The following SNX4 variants were observed in gnomAD, a reference collection of about 807,000 sequenced individuals.
SNX4 encodes sorting nexin 4.
In SNX4, 49 loss-of-function variants were observed where a neutral mutation model predicts 70.8. The observed-to-expected ratio is 0.69, with a 90% CI of 0.55 to 0.88. The LOEUF is 0.88. SNX4 is among the 40% of genes least tolerant of loss of function. The pLI, the probability that SNX4 is intolerant of heterozygous loss-of-function variation, is 0.00. For missense variants in SNX4, 528 were observed against 544.8 expected (o/e 0.97, Z 0.31); for synonymous variants, 206 against 183.8 (o/e 1.12, Z -0.98).
At position 125,497,919 on chromosome 3, in the gene SNX4, C is replaced by T. The variant is rs780975407; in HGVS notation, c.464G>A (p.Arg155Gln). The change falls in exon 4 of 14, where the codon CGG (arginine) becomes CAG (glutamine). Residue 155 changes from arginine to glutamine, a missense_variant. By Grantham distance (43) the Arg-to-Gln change is conservative. This residue lies in a region of SNX4 where 341 missense variants were observed against 312.2 expected (regional missense o/e 1.09). Transcript: ENST00000251775. ...NMDPDFVERR[R>Q]IGLENFLLRI... ...CAAGAGAAAGTTTTCTAAACCAATC[C>T]GTCGCCTCTCCACAAAATCTGGATC... 4.3e-6 allele frequency: 7 copies of T among 1,613,994 alleles called. No individual in the cohort carries two copies. The highest frequency in any genetic ancestry group is 2.2e-5 in the East Asian group (1 of 44,898).
rs1403400789 is a variant in SNX4 at position 125,465,666 on chromosome 3, A to G, written c.854+3788T>C. On this transcript the variant is annotated intron_variant, in intron 9 of 13. Transcript: ENST00000251775. ...ACTTTTTATTTTATTTTTTTGAGACAAAGTCTCACTCTGTCACCTAGGCTG... is the reference window on the plus strand; with the variant it reads ...ACTTTTTATTTTATTTTTTTGAGACGAAGTCTCACTCTGTCACCTAGGCTG... Among the ~76,000 whole-genome samples, 5 of 151,170 alleles carry G rather than the reference A, an allele frequency of 3.3e-5. No individual in the cohort carries two copies. In the South Asian group the frequency reaches 1.0e-3, roughly 32 times the overall value.
chr3:125,487,307 A>C lies in SNX4; in HGVS notation c.653+2101T>G, dbSNP rs544072233. On this transcript the variant is annotated intron_variant, in intron 6 of 13. Transcript: ENST00000251775. ...CAATTATACACTTTAGCAAGAACATAAGGGCAAAAAAACTGCCTTGGTGAC... is the reference window on the plus strand; with the variant it reads ...CAATTATACACTTTAGCAAGAACATCAGGGCAAAAAAACTGCCTTGGTGAC... Among the ~76,000 whole-genome samples, 33 of 152,300 alleles carry C rather than the reference A, an allele frequency of 2.2e-4. No homozygotes were observed. In the East Asian group the frequency reaches 5.8e-3, roughly 27 times the overall value.
intron 13 of SNX4, 30 bp downstream of exon 13, chr3:125,451,275 A>G (rs1237249061): frequency 6.8e-6 from 10 of 1,480,332 alleles, no homozygotes; most frequent in Admixed American, 3.4e-5. Flanking sequence ...GAATATACAT[A>G]TATCTTCACT....
At chr3:125,512,910 G>A (rs1935198772) in intron 1 of SNX4, among the ~76,000 whole-genome samples, 1 of 152,002 alleles carries the variant, frequency 6.6e-6, no homozygotes, top group Non-Finnish European at 1.5e-5. Context: ...TTACAGGTGT[G>A]TACCACCACA....
At chr3:125,450,541 T>A (rs1348011190) in intron 13 of SNX4, among the ~76,000 whole-genome samples, 1 of 152,258 alleles carries the variant, frequency 6.6e-6, no homozygotes, top group Admixed American at 6.5e-5. Flanking sequence ...AAGTGCTTGA[T>A]AAATTATGAC....
intron 10 of SNX4, among the ~76,000 whole-genome samples, chr3:125,458,705 G>A (rs1411382790): frequency 6.6e-6 from 1 of 150,934 alleles, no homozygotes; most frequent in African/African-American, 2.4e-5. Context: ...TCCCAGCTAC[G>A]CGGGAGGCTG....
intron 10 of SNX4, among the ~76,000 whole-genome samples, chr3:125,459,671 T>TC (rs1933826005): frequency 6.6e-6 from 1 of 152,068 alleles, no homozygotes; most frequent in South Asian, 2.1e-4. Context: ...ACTCCTGGCC[T>TC]CAGGTGATCC....
intron 6 of SNX4, among the ~76,000 whole-genome samples, chr3:125,488,591 G>A (rs1234749028): frequency 3.9e-5 from 6 of 151,990 alleles, no homozygotes; most frequent in African/African-American, 7.2e-5. Flanking sequence ...AAAATCAGGG[G>A]CATTTTGTTA....
chr3:125,517,205 T>C (rs1935301696), intron 1 of SNX4: 1 of 152,212 alleles, frequency 6.6e-6, no homozygotes, highest in South Asian at 2.1e-4. Context: ...GAAGAAGCAC[T>C]GATTTCAATG....
rs1045845691 is a variant in SNX4 at position 125,520,130 on chromosome 3, C to A, written c.43G>T (p.Ala15Ser). The change falls in exon 1 of 14, where the codon GCG becomes TCG. Residue 15 changes from alanine to serine, a missense_variant. This residue lies in a region of SNX4 where 341 missense variants were observed against 312.2 expected (regional missense o/e 1.09). Transcript: ENST00000251775. ...GGGGAGCCCAGCGGCTCCAAGGGCG[C>A]CGGCTGGAGCTGCCGCTCGGGGTCC... ...PPDPERQLQPAPLEPLGSPDA... is the reference protein window; with the variant it reads ...PPDPERQLQPSPLEPLGSPDA... The A allele has an allele frequency of 2.5e-5, 37 of 1,463,570 alleles. No homozygotes were observed. The African/African-American group carries it at 5.1e-4, about 20-fold the overall frequency. The allele number at this position is 1,463,570 out of a possible 1,614,324, so 90.7% of individuals were successfully genotyped here.
chr3:125,457,275 C>G lies in SNX4; in HGVS notation c.1035G>C (p.Leu345=), dbSNP rs768322262. ...LASKKQQCEE[L]VTGTVRTFSL... ...AAAGGAAAATACTCACCCCAGTTACCAGTTCCTCACACTGCTGCTTCTTGG... is the reference window on the plus strand; with the variant it reads ...AAAGGAAAATACTCACCCCAGTTACGAGTTCCTCACACTGCTGCTTCTTGG... Residue 345 remains leucine (L), a synonymous_variant, in exon 11 of 14, where the codon CTG becomes CTC. Coordinates refer to ENST00000251775, the MANE Select transcript of SNX4 (RefSeq NM_003794.4). The G allele has an allele frequency of 1.2e-6, 2 of 1,612,940 alleles. No homozygotes were observed. The highest frequency in any genetic ancestry group is 8.5e-7 in the Non-Finnish European group (1 of 1,178,994).
intron 5 of SNX4, among the ~76,000 whole-genome samples, chr3:125,494,826 A>G (rs1934746163): frequency 6.6e-6 from 1 of 152,174 alleles, no homozygotes; most frequent in African/African-American, 2.4e-5. Flanking sequence ...GAACTCATCT[A>G]TGATACAGTG....
intron 8 of SNX4, 84 bp from the exon 9 acceptor site, chr3:125,469,603 C>A: frequency 1.1e-6 from 1 of 945,090 alleles, no homozygotes; most frequent in Non-Finnish European, 1.7e-6. Flanking sequence ...AGATTCTTGT[C>A]TAGCTAGCTT....
At chr3:125,449,783 A>T (rs1933527683) in intron 13 of SNX4, among the ~76,000 whole-genome samples, 1 of 152,226 alleles carries the variant, frequency 6.6e-6, no homozygotes, top group Non-Finnish European at 1.5e-5. Flanking sequence ...ACGGAGGGGG[A>T]AAGTCCTTTG....
rs370989092 is a variant in SNX4, at chr3:125,457,223, G to A, written c.1044+43C>T. 161 of 1,343,180 alleles carry A rather than the reference G, an allele frequency of 1.2e-4. No individual in the cohort carries two copies. In the African/African-American group the frequency reaches 1.5e-3, roughly 13 times the overall value. The allele number at this position is 1,343,180 out of a possible 1,614,324, so 83.2% of individuals were successfully genotyped here. A position where few individuals can be genotyped will look rare whatever the true frequency, so the allele number is the denominator to read the frequency against. ...AGTGAGTGCTTGTGAGGAACATTCC[G>A]TGTTGCTACAGTATCATCAGAGGCC... On this transcript the variant is annotated intron_variant, in intron 11 of 13. Transcript: ENST00000251775.
intron 10 of SNX4, 121 bp from the exon 11 acceptor site, chr3:125,457,486 T>G (rs1933752860): frequency 1.4e-6 from 1 of 709,290 alleles, no homozygotes; most frequent in Admixed American, 2.5e-5. Context: ...TGCCCAGAAT[T>G]TTCAAGTTTA....
At chr3:125,506,071 T>C (rs536681208) in intron 1 of SNX4, among the ~76,000 whole-genome samples, 3 of 152,182 alleles carry the variant, frequency 2.0e-5, no homozygotes, top group Non-Finnish European at 4.4e-5. Flanking sequence ...GGCTGATCTT[T>C]GGCATGGAGA....
intron 9 of SNX4, among the ~76,000 whole-genome samples, chr3:125,467,309 C>T (rs1308442426): frequency 6.6e-6 from 1 of 151,876 alleles, no homozygotes; most frequent in Non-Finnish European, 1.5e-5. Flanking sequence ...ATTGCTTGAA[C>T]CTGGGAGGCA....
intron 10 of SNX4, among the ~76,000 whole-genome samples, chr3:125,458,121 A>G (rs1187563662): frequency 6.6e-6 from 1 of 151,964 alleles, no homozygotes; most frequent in East Asian, 1.9e-4. Context: ...CTTAGAAAAG[A>G]TAATACCTCA....
Sources: allele counts gnomAD v4.1 joint callset (sites outside exome capture counted in the v4.1 genomes callset), GRCh38; gene constraint gnomAD v4.1.1; regional missense constraint gnomAD v4.1.1; transcripts MANE v1.5; gene names NCBI Gene and HGNC (gene_info 2026-07-23, HGNC 2026-07-21).